The following GRIK4 variants were observed in gnomAD, a reference collection of about 807,000 sequenced individuals.
The protein encoded by GRIK4 is glutamate ionotropic receptor kainate type subunit 4.
Under a neutral mutation model 104.9 loss-of-function variants are expected in GRIK4, and 40 were observed. That is an observed-to-expected ratio of 0.38 (90% CI 0.30 to 0.50). The LOEUF (loss-of-function observed/expected upper bound fraction) is 0.50, where lower values mean the gene tolerates loss of function less well. GRIK4 is among the 20% of genes least tolerant of loss of function. The pLI is 0.93. For synonymous variants in GRIK4, 485 were observed against 524.9 expected (o/e 0.92, Z 1.04); for missense variants, 1,047 against 1,308.1 (o/e 0.80, Z 3.08).
intron 13 of GRIK4, among the ~76,000 whole-genome samples, chr11:120,938,610 GTCTCCCCACTT>G (rs1296718365): frequency 6.6e-6 from 1 of 152,218 alleles, no homozygotes; most frequent in Non-Finnish European, 1.5e-5. Context: ...CAGCACATCT[GTCTCCCCACTT>G]TCTTTGCAGT....
At chr11:120,521,213 C>T (rs554504929) in intron 1 of GRIK4, among the ~76,000 whole-genome samples, 25 of 152,188 alleles carry the variant, frequency 1.6e-4, no homozygotes, top group African/African-American at 5.8e-4. Context: ...CTTGGGACTA[C>T]AAGCGTGCAC....
chr11:120,574,834 G>A (rs1948457463), intron 1 of GRIK4, among the ~76,000 whole-genome samples: 1 of 152,170 alleles, frequency 6.6e-6, no homozygotes, highest in Non-Finnish European at 1.5e-5. Context: ...GCCAAGAGGT[G>A]TCCCAGACCC....
chr11:120,611,443 C>A (rs971480337), intron 1 of GRIK4, among the ~76,000 whole-genome samples: 1 of 152,044 alleles, frequency 6.6e-6, no homozygotes, highest in African/African-American at 2.4e-5. Context: ...CATGCATGCA[C>A]GTGTGTGTGT....
intron 19 of GRIK4, among the ~76,000 whole-genome samples, chr11:120,978,305 G>A (rs893260966): frequency 3.3e-5 from 5 of 152,182 alleles, no homozygotes; most frequent in African/African-American, 1.2e-4. Context: ...CACAAAAGTA[G>A]TATACCTAAA....
intron 13 of GRIK4, among the ~76,000 whole-genome samples, chr11:120,913,856 TAAAA>T (rs36119057): frequency 3.8e-5 from 5 of 132,746 alleles, no homozygotes; most frequent in African/African-American, 8.7e-5. Flanking sequence ...TTTGCTGAAC[TAAAA>T]AAAAAAAAAA....
At chr11:120,623,691 C>T (rs7111020) in intron 1 of GRIK4, among the ~76,000 whole-genome samples, 59,088 of 152,118 alleles carry the variant, frequency 0.39, 11,788 homozygotes, top group Admixed American at 0.5. Context: ...AAATCACTGT[C>T]CTGGGCTATT....
chr11:120,607,926 G>A (rs1948982397), intron 1 of GRIK4, among the ~76,000 whole-genome samples: 1 of 152,170 alleles, frequency 6.6e-6, no homozygotes, highest in African/African-American at 2.4e-5. Flanking sequence ...ATTCCAGGGG[G>A]TGGTTGCCAG....
rs368897460 is a variant in GRIK4, at chr11:120,516,239, G to A, written c.-159+4352G>A. Among the ~76,000 whole-genome samples, 13 of 152,258 alleles carry A rather than the reference G, an allele frequency of 8.5e-5. No homozygotes were observed. The East Asian group carries it at 1.7e-3, about 20-fold the overall frequency. On this transcript the variant is annotated intron_variant, in intron 1 of 20. Coordinates refer to ENST00000527524, the MANE Select transcript of GRIK4 (RefSeq NM_014619.5). The stretch of plus-strand genomic sequence containing the variant: ...GGGTGGATAGCACACCAAGACACCC[G>A]GTCTCTGGGAACATGGCGTGTGTGT...
At chr11:120,677,373 T>C (rs1950115356) in intron 3 of GRIK4, among the ~76,000 whole-genome samples, 1 of 152,192 alleles carries the variant, frequency 6.6e-6, no homozygotes, top group African/African-American at 2.4e-5. Context: ...CTCTGTCTTA[T>C]TCTGCCTGCC....
At chr11:120,791,382 C>T (rs375841090) in intron 3 of GRIK4, among the ~76,000 whole-genome samples, 29 of 152,324 alleles carry the variant, frequency 1.9e-4, no homozygotes, top group African/African-American at 6.7e-4. Flanking sequence ...TTTTCACGTG[C>T]TTACTTGCCA....
At chr11:120,748,205 G>A (rs1006715887) in intron 3 of GRIK4, among the ~76,000 whole-genome samples, 4 of 151,738 alleles carry the variant, frequency 2.6e-5, no homozygotes, top group African/African-American at 9.7e-5. Context: ...CTCTCCCTGC[G>A]TCCCTCCTCC....
intron 3 of GRIK4, among the ~76,000 whole-genome samples, chr11:120,691,420 CAT>C (rs1950361792): frequency 6.6e-6 from 1 of 152,170 alleles, no homozygotes; most frequent in Non-Finnish European, 1.5e-5. Flanking sequence ...CTCACAGAAT[CAT>C]GTGAGATGTA....
intron 3 of GRIK4, among the ~76,000 whole-genome samples, chr11:120,801,535 A>G (rs144337249): frequency 5.9e-5 from 9 of 152,318 alleles, no homozygotes; most frequent in African/African-American, 2.2e-4. Context: ...CACACTTAGC[A>G]TAATGTTTTT....
chr11:120,962,376 T>G, intron 17 of GRIK4, 80 bp from the exon 18 acceptor site: 3 of 891,768 alleles, frequency 3.4e-6, no homozygotes, highest in Non-Finnish European at 5.3e-6. Flanking sequence ...CATCTTAAGG[T>G]GCACTTTGAT....
At chr11:120,860,537 G>A (rs1443844425) in intron 8 of GRIK4, among the ~76,000 whole-genome samples, 6 of 152,116 alleles carry the variant, frequency 3.9e-5, no homozygotes, top group African/African-American at 2.4e-5. Context: ...CCCTGACTGC[G>A]TCATCTAAAG....
At chr11:120,704,508 C>T (rs1192187629) in intron 3 of GRIK4, among the ~76,000 whole-genome samples, 2 of 152,204 alleles carry the variant, frequency 1.3e-5, no homozygotes, top group African/African-American at 4.8e-5. Context: ...ACGTAATTTA[C>T]AGTCTCATTC....
chr11:120,727,185 A>G lies in GRIK4; in HGVS notation c.82+66785A>G, dbSNP rs578018261. ...TATGTGCAACAAGTCCACCAGATGG[A>G]ACAAAGGGGCGAGAGCAGCCTCGTT... is the stretch of plus-strand genomic sequence containing the variant. On this transcript the variant is annotated intron_variant, in intron 3 of 20. Coordinates refer to ENST00000527524, the MANE Select transcript of GRIK4 (RefSeq NM_014619.5). Among the ~76,000 whole-genome samples the G allele has an allele frequency of 6.6e-5, 10 of 152,328 alleles. No individual in the cohort carries two copies. The East Asian group carries it at 1.9e-3, about 29-fold the overall frequency.
At position 120,819,892 on chromosome 11, in the gene GRIK4, C is replaced by T. The variant is rs377240303; in HGVS notation, c.483C>T (p.Thr161=). The change falls in exon 6 of 21, where the codon ACC becomes ACT. Residue 161 remains threonine, a synonymous_variant. Coordinates refer to ENST00000527524, the MANE Select transcript of GRIK4 (RefSeq NM_014619.5). The surrounding 1 kb of genome is among the most constrained non-coding windows in gnomAD (Gnocchi z 4.3). ...AGILNFFNCT[T]ACLICAKAEC... is the part of the protein sequence containing the mutation. ...TCCTGAACTTCTTCAACTGCACCAC[C>T]GCCTGCCTCATCTGTGCCAAAGCAG... 4.0e-5 allele frequency: 64 copies of T among 1,613,938 alleles called. No individual in the cohort carries two copies. The highest frequency in any genetic ancestry group is 1.7e-4 in the Middle Eastern group (1 of 6,024).
In GRIK4 at chr11:120,824,553, CT is replaced by C. The variant is rs763907708; in HGVS notation, c.511+4649del. Among the ~76,000 whole-genome samples the C allele has an allele frequency of 1.6e-3, 207 of 128,850 alleles. 1 individual carries two copies. Among genetic ancestry groups the C allele is most frequent in the African/African-American group, 3.4e-3 (118 of 34,656 alleles). 84.5% of individuals were successfully genotyped at this position (128,850 alleles called of 152,430 possible). On this transcript the variant is annotated intron_variant, in intron 6 of 20. Transcript: ENST00000527524. ...TTTTTCCTTCTTTTTTTTTTCTTTT[CT>C]TTTTTTTTTTTTTTTGACAAGGTCT... is the stretch of plus-strand genomic sequence containing the variant.
Sources: allele counts gnomAD v4.1 joint callset (sites outside exome capture counted in the v4.1 genomes callset), GRCh38; gene constraint gnomAD v4.1.1; non-coding constraint Gnocchi (gnomAD v3.1); transcripts MANE v1.5; gene names NCBI Gene and HGNC (gene_info 2026-07-23, HGNC 2026-07-21).